Variants in SMCO1 observed in about 807,000 individuals in gnomAD.
The protein encoded by SMCO1 is single-pass membrane protein with coiled-coil domains 1, also known as single-pass membrane and coiled-coil domain-containing protein 1.
SMCO1 carries 9 observed loss-of-function variants against 7.5 expected under a neutral mutation model. The observed-to-expected ratio is 1.20, with a 90% CI of 0.72 to 2.09. The LOEUF (loss-of-function observed/expected upper bound fraction) is 2.09, where lower values mean the gene tolerates loss of function less well. SMCO1 is among the 30% of genes most tolerant of loss of function. The pLI is 0.00. For missense variants in SMCO1, 219 were observed against 253.1 expected (o/e 0.87, Z 0.91); for synonymous variants, 90 against 93.8 (o/e 0.96, Z 0.23).
upstream of SMCO1, among the ~76,000 whole-genome samples, chr3:196,520,253 T>G (rs999987668): frequency 1.3e-5 from 2 of 152,206 alleles, no homozygotes; most frequent in Admixed American, 1.3e-4. Flanking sequence ...GCAAATGGTC[T>G]GAGGTCCCCT....
intron 1 of SMCO1, 46 bp downstream of exon 1, chr3:196,515,114 A>G (rs1336844562): frequency 6.2e-7 from 1 of 1,606,292 alleles, no homozygotes; most frequent in Non-Finnish European, 8.5e-7. Context: ...CCATCTTCCC[A>G]GAATAGCAGA....
rs1453799345 is a variant in SMCO1 at position 196,507,832 on chromosome 3, G to T, written c.*55C>A. ...CTATAATAAATTGTGCATACTTTTTGCTGTTTCCAAGATAAATTACTGTAG... is the reference window on the plus strand; with the variant it reads ...CTATAATAAATTGTGCATACTTTTTTCTGTTTCCAAGATAAATTACTGTAG... On this transcript the variant is annotated 3_prime_UTR_variant, in exon 3 of 3. Transcript: ENST00000397537. 2.8e-6 allele frequency: 3 copies of T among 1,054,804 alleles called. No individual in the cohort carries two copies. Among genetic ancestry groups the T allele is most frequent in the African/African-American group, 3.2e-5 (2 of 61,930 alleles). 65.3% of individuals were successfully genotyped at this position (1,054,804 alleles called of 1,614,324 possible).
upstream of SMCO1, among the ~76,000 whole-genome samples, chr3:196,519,456 C>T (rs954491967): frequency 6.6e-6 from 1 of 152,168 alleles, no homozygotes; most frequent in African/African-American, 2.4e-5. Flanking sequence ...AATTCTGCCC[C>T]AACAATTAGG....
chr3:196,517,349 T>TAGA (rs1733412774), upstream of SMCO1, among the ~76,000 whole-genome samples: 1 of 152,044 alleles, frequency 6.6e-6, no homozygotes, highest in Non-Finnish European at 1.5e-5. Context: ...GGCTGGTCAC[T>TAGA]AGAAAGACCA....
intron 1 of SMCO1, among the ~76,000 whole-genome samples, chr3:196,512,121 C>G (rs1733256575): frequency 1.3e-5 from 2 of 150,296 alleles, no homozygotes; most frequent in Admixed American, 6.6e-5. Flanking sequence ...CCTGAGCCAC[C>G]TAGATTGTGG....
At chr3:196,511,613 C>A (rs111804602) in intron 1 of SMCO1, among the ~76,000 whole-genome samples, 6 of 74,780 alleles carry the variant, frequency 8.0e-5, no homozygotes, top group Non-Finnish European at 1.1e-4. Context: ...CTAGATTGTC[C>A]TTATGAGGGA....
At chr3:196,513,647 A>T (rs955805787) in intron 1 of SMCO1, among the ~76,000 whole-genome samples, 2 of 149,426 alleles carry the variant, frequency 1.3e-5, no homozygotes, top group Non-Finnish European at 2.9e-5. Context: ...AAAAAAAAAA[A>T]AGCCATTTGG....
At chr3:196,518,350 CCTTCTTGCCTACT>C, upstream of SMCO1, among the ~76,000 whole-genome samples, 1 of 152,366 alleles carries the variant, frequency 6.6e-6, no homozygotes, top group East Asian at 1.9e-4. Flanking sequence ...CTGTTCTCTT[CCTTCTTGCCTACT>C]AAACTTTCCA....
In SMCO1 at chr3:196,507,062, A is replaced by T. The variant is rs1733063852; in HGVS notation, c.*825T>A. ...AGCACCATTCAGAAATAGGCACGAT[A>T]GTGTAGAGGACCAATCGCGGAAGGG... On this transcript the variant is annotated 3_prime_UTR_variant, in exon 3 of 3. Coordinates refer to ENST00000397537, the MANE Select transcript of SMCO1 (RefSeq NM_001077657.3). 6.6e-6 allele frequency: 1 copy of T among 152,234 alleles called. No individual in the cohort carries two copies. Among genetic ancestry groups the T allele is most frequent in the Non-Finnish European group, 1.5e-5 (1 of 68,068 alleles). 9.4% of individuals were successfully genotyped at this position (152,234 alleles called of 1,614,324 possible).
upstream of SMCO1, among the ~76,000 whole-genome samples, chr3:196,520,082 C>T (rs941491426): frequency 7.2e-5 from 11 of 152,206 alleles, no homozygotes; most frequent in African/African-American, 1.2e-4. Context: ...CATTCTAAAA[C>T]GCTGGGACTT....
chr3:196,520,351 G>A, the SMCO1 span, among the ~76,000 whole-genome samples: 1 of 152,116 alleles, frequency 6.6e-6, no homozygotes, highest in African/African-American at 2.4e-5. Context: ...GCCATGGCAG[G>A]CAAGCCCATA....
At chr3:196,511,860 G>A (rs1006777164) in intron 1 of SMCO1, among the ~76,000 whole-genome samples, 9 of 126,256 alleles carry the variant, frequency 7.1e-5, no homozygotes, top group East Asian at 2.4e-4. Context: ...TGCCTGGGCT[G>A]CCTAGATTGT....
upstream of SMCO1, among the ~76,000 whole-genome samples, chr3:196,517,796 A>C (rs1465338308): frequency 6.6e-6 from 1 of 152,148 alleles, no homozygotes; most frequent in Non-Finnish European, 1.5e-5. Context: ...CAGCTCCCCT[A>C]GTAGCTGGGA....
chr3:196,509,908 A>G (rs1027223362), intron 1 of SMCO1, among the ~76,000 whole-genome samples: 18 of 151,964 alleles, frequency 1.2e-4, no homozygotes, highest in African/African-American at 4.1e-4. Flanking sequence ...CATTCCATAT[A>G]TTGCAAACTT....
At chr3:196,520,295 C>T (rs537852055), upstream of SMCO1, among the ~76,000 whole-genome samples, 1 of 152,286 alleles carries the variant, frequency 6.6e-6, no homozygotes, top group South Asian at 2.1e-4. Context: ...TGTGAGACAA[C>T]CCAGATCTTT....
Position 196,508,162 on chromosome 3 carries a change from A to G in SMCO1, c.370T>C (p.Ser124Pro). ...KNKRVRVVWE[S>P]ILEECGLQEG... ...TGCAGCCCACACTCCTCCAGTATGG[A>G]CTCCCATACAACTCTAACGCGCTTG... Residue 124 changes from serine (S) to proline (P), a missense_variant, in exon 3 of 3, where the codon TCC becomes CCC. Ser to Pro is a moderately conservative substitution (Grantham distance 74). Transcript: ENST00000397537. The G allele has an allele frequency of 6.2e-7, 1 of 1,613,852 alleles. No homozygotes were observed. Among genetic ancestry groups the G allele is most frequent in the South Asian group, 1.1e-5 (1 of 91,072 alleles).
Position 196,508,182 on chromosome 3 carries a change from C to G in SMCO1, c.350G>C (p.Arg117Pro), listed in dbSNP as rs568178802. 1 of 1,614,140 alleles carries G rather than the reference C, an allele frequency of 6.2e-7. No homozygotes were observed. The change falls in exon 3 of 3, where the codon CGC (arginine) becomes CCC (proline). Residue 117 changes from arginine (R) to proline (P), a missense_variant. Arg to Pro is a moderately radical substitution (Grantham distance 103). Transcript: ENST00000397537. ...SVLRRKVKNK[R>P]VRVVWESILE... The stretch of plus-strand genomic sequence containing the variant: ...TATGGACTCCCATACAACTCTAACG[C>G]GCTTGTTCTTAACTTTTCTTCTGAG...
At chr3:196,517,451 G>A (rs966512241), upstream of SMCO1, among the ~76,000 whole-genome samples, 9 of 152,064 alleles carry the variant, frequency 5.9e-5, no homozygotes, top group South Asian at 2.1e-4. Context: ...AAAAATTCTT[G>A]GACAATGAGG....
At chr3:196,516,065 AATAT>A (rs1352485478), upstream of SMCO1, among the ~76,000 whole-genome samples, 1 of 136,992 alleles carries the variant, frequency 7.3e-6, no homozygotes, top group Admixed American at 7.9e-5. Flanking sequence ...AATTATATAT[AATAT>A]ATAATTTATA....
Sources: allele counts gnomAD v4.1 joint callset (sites outside exome capture counted in the v4.1 genomes callset), GRCh38; gene constraint gnomAD v4.1.1; transcripts MANE v1.5; gene names NCBI Gene and HGNC (gene_info 2026-07-23, HGNC 2026-07-21).